ENTREP2: variants seen among roughly 807,000 people sequenced by gnomAD.
ENTREP2 encodes the protein endosomal transmembrane epsin interactor 2.
chr15:29,309,737 T>C, the ENTREP2 span, among the ~76,000 whole-genome samples: 2 of 147,564 alleles, frequency 1.4e-5, no homozygotes, highest in Non-Finnish European at 3.0e-5. Context: ...TGCAGTGAGC[T>C]GAGATCATGC....
At chr15:29,585,358 C>T in the ENTREP2 span, among the ~76,000 whole-genome samples, 1 of 152,034 alleles carries the variant, frequency 6.6e-6, no homozygotes, top group Non-Finnish European at 1.5e-5. Context: ...TTGCGTGAAA[C>T]CCTCGAAAAA....
chr15:29,438,602 A>G, the ENTREP2 span, among the ~76,000 whole-genome samples: 1 of 151,466 alleles, frequency 6.6e-6, no homozygotes, highest in African/African-American at 2.4e-5. Flanking sequence ...AGACCATCCA[A>G]CCCGGCCCCT....
At chr15:29,490,340 G>A in the ENTREP2 span, among the ~76,000 whole-genome samples, 1,639 of 152,316 alleles carry the variant, frequency 0.011, 18 homozygotes, top group Non-Finnish European at 0.014. Flanking sequence ...CTAAGAGTGA[G>A]CAGTGGCAAG....
At chr15:29,399,483 GAA>G in the ENTREP2 span, among the ~76,000 whole-genome samples, 1 of 152,122 alleles carries the variant, frequency 6.6e-6, no homozygotes, top group Admixed American at 6.6e-5. Context: ...CACCTAATTA[GAA>G]AACCCAAAGG....
chr15:29,626,308 T>C, the ENTREP2 span, among the ~76,000 whole-genome samples: 1 of 152,194 alleles, frequency 6.6e-6, no homozygotes, highest in Admixed American at 6.5e-5. Flanking sequence ...CAGGGCCAAG[T>C]GGAGACAATT....
the ENTREP2 span, among the ~76,000 whole-genome samples, chr15:29,492,732 G>A: frequency 2.8e-4 from 42 of 152,246 alleles, no homozygotes; most frequent in Non-Finnish European, 4.4e-4. Flanking sequence ...GGCTGGGCAC[G>A]GTGGCTCATG....
At chr15:29,533,018 C>T in the ENTREP2 span, among the ~76,000 whole-genome samples, 3 of 152,148 alleles carry the variant, frequency 2.0e-5, no homozygotes, top group African/African-American at 7.2e-5. Flanking sequence ...GGGAAATGGC[C>T]ATGTGCTCAG....
chr15:29,477,626 C>T, the ENTREP2 span, among the ~76,000 whole-genome samples: 14 of 152,148 alleles, frequency 9.2e-5, no homozygotes, highest in African/African-American at 3.1e-4. Flanking sequence ...CAGACCTGTG[C>T]CTGCAAGACA....
At chr15:29,376,551 AACACACACACACACAC>A in the ENTREP2 span, 3 of 147,092 alleles carry the variant, frequency 2.0e-5, no homozygotes, top group South Asian at 2.2e-4. Context: ...CACTATGGTA[AACACACACACACACAC>A]ACACACACAC....
chr15:29,583,734 C>G, the ENTREP2 span, among the ~76,000 whole-genome samples: 1 of 152,110 alleles, frequency 6.6e-6, no homozygotes, highest in African/African-American at 2.4e-5. Flanking sequence ...CCCCATAATC[C>G]CTTTCTGAAG....
At chr15:29,389,403 A>G in the ENTREP2 span, among the ~76,000 whole-genome samples, 4 of 152,002 alleles carry the variant, frequency 2.6e-5, no homozygotes, top group Non-Finnish European at 4.4e-5. Context: ...GGGGCAGCAC[A>G]GGCTTCCCTC....
chr15:29,310,493 C>T, the ENTREP2 span, among the ~76,000 whole-genome samples: 1 of 152,176 alleles, frequency 6.6e-6, no homozygotes, highest in African/African-American at 2.4e-5. Flanking sequence ...TGCTCAGCCC[C>T]TGGGGGATCT....
At chr15:29,145,788 T>C in the ENTREP2 span, among the ~76,000 whole-genome samples, 1 of 152,150 alleles carries the variant, frequency 6.6e-6, no homozygotes, top group Non-Finnish European at 1.5e-5. Context: ...CTCTCACTGC[T>C]TCTATTCAAC....
the ENTREP2 span, among the ~76,000 whole-genome samples, chr15:29,369,532 T>G: frequency 6.6e-6 from 1 of 152,168 alleles, no homozygotes. Context: ...CTGAGATAAT[T>G]TGTCTCTATG....
chr15:29,182,620 G>T, the ENTREP2 span, among the ~76,000 whole-genome samples: 1 of 151,896 alleles, frequency 6.6e-6, no homozygotes, highest in African/African-American at 2.4e-5. Context: ...ATACAATACA[G>T]TTACAATGAT....
At chr15:29,418,141 G>A in the ENTREP2 span, among the ~76,000 whole-genome samples, 1 of 152,140 alleles carries the variant, frequency 6.6e-6, no homozygotes, top group Non-Finnish European at 1.5e-5. Context: ...AATGCACAAG[G>A]AGCCCAGTAT....
the ENTREP2 span, among the ~76,000 whole-genome samples, chr15:29,338,584 G>A: frequency 6.6e-6 from 1 of 151,866 alleles, no homozygotes; most frequent in Non-Finnish European, 1.5e-5. Context: ...TCTTTGTGTC[G>A]CCTCCATAGG....
chr15:29,311,694 C>CA, the ENTREP2 span, among the ~76,000 whole-genome samples: 1 of 151,106 alleles, frequency 6.6e-6, no homozygotes, highest in African/African-American at 2.5e-5. Context: ...CATCCCCCCC[C>CA]CAAAAAAAAG....
At chr15:29,378,047 GAAGA>G in the ENTREP2 span, among the ~76,000 whole-genome samples, 1 of 151,840 alleles carries the variant, frequency 6.6e-6, no homozygotes, top group Admixed American at 6.6e-5. Context: ...CCTAATTAGA[GAAGA>G]AAGATAATGT....
Sources: allele counts gnomAD v4.1 joint callset (sites outside exome capture counted in the v4.1 genomes callset), GRCh38; gene constraint gnomAD v4.1.1; transcripts MANE v1.5; gene names NCBI Gene and HGNC (gene_info 2026-07-23, HGNC 2026-07-21).